The following CALN1 variants were observed in gnomAD, a reference collection of about 807,000 sequenced individuals.
The protein encoded by CALN1 is calcium-binding protein 8.
In CALN1, 17 loss-of-function variants were observed where a neutral mutation model predicts 30.6. That is an observed-to-expected ratio of 0.56 (90% CI 0.38 to 0.83). The LOEUF (loss-of-function observed/expected upper bound fraction) is 0.83. Ranked by LOEUF, CALN1 falls within the 40% of genes least tolerant of loss-of-function variation. The pLI is 0.00. For synonymous variants in CALN1, 156 were observed against 131.4 expected, an observed-to-expected ratio of 1.19 and a Z score of -1.28; for missense variants, 291 against 354.9, an observed-to-expected ratio of 0.82 and a Z score of 1.45.
chr7:71,938,654 G>C (rs922613216), intron 5 of CALN1, among the ~76,000 whole-genome samples: 1 of 152,070 alleles, frequency 6.6e-6, no homozygotes, highest in African/African-American at 2.4e-5. Context: ...AATTAGCTGG[G>C]CGTGGTGGCA....
At chr7:71,874,956 C>T (rs1441188268) in intron 5 of CALN1, among the ~76,000 whole-genome samples, 6 of 151,924 alleles carry the variant, frequency 3.9e-5, no homozygotes, top group Admixed American at 1.3e-4. Context: ...CTTGAGGTCA[C>T]GAGTTCAAGA....
chr7:72,463,814 G>T, the CALN1 span, among the ~76,000 whole-genome samples: 1 of 152,016 alleles, frequency 6.6e-6, no homozygotes, highest in African/African-American at 2.4e-5. Context: ...TCCCACCTCA[G>T]CCTCCCAAAG....
intron 5 of CALN1, among the ~76,000 whole-genome samples, chr7:71,860,199 T>TC (rs1448446057): frequency 6.6e-6 from 1 of 151,580 alleles, no homozygotes; most frequent in East Asian, 1.9e-4. Context: ...TTTTCATTTT[T>TC]TTTTTTTTTT....
intron 5 of CALN1, among the ~76,000 whole-genome samples, chr7:71,834,348 T>TAAAA (rs60091117): frequency 1.1e-5 from 1 of 89,818 alleles, no homozygotes. Flanking sequence ...CGATCCACCC[T>TAAAA]AAAAAAAAAA....
intron 2 of CALN1, among the ~76,000 whole-genome samples, chr7:72,287,372 G>A (rs1483711067): frequency 6.7e-6 from 1 of 150,046 alleles, no homozygotes; most frequent in Admixed American, 6.6e-5. Context: ...TTTGCAACCT[G>A]CATGGTTCAC....
rs1181289792 is a variant in CALN1 at position 71,787,694 on chromosome 7, C to G, written c.*81G>C. On this transcript the variant is annotated 3_prime_UTR_variant, in exon 7 of 7. Transcript: ENST00000395275. ...CCATCCATAGTCCATAGGTCCGTGT[C>G]TGCTGTGTGGAGGAAGAGTCTGCCC... 1 of 1,569,212 alleles carries G rather than the reference C, an allele frequency of 6.4e-7. No individual in the cohort carries two copies. Among genetic ancestry groups the G allele is most frequent in the Non-Finnish European group, 8.6e-7 (1 of 1,156,680 alleles).
chr7:72,292,820 C>CAAAAAAAAAAAAA (rs57352664), intron 2 of CALN1, among the ~76,000 whole-genome samples: 2 of 112,820 alleles, frequency 1.8e-5, no homozygotes, highest in African/African-American at 3.8e-5. Flanking sequence ...TACTCTGTCT[C>CAAAAAAAAAAAAA]AAAAAAAAAA....
intron 3 of CALN1, among the ~76,000 whole-genome samples, chr7:72,254,358 T>A (rs1243398837): frequency 1.3e-5 from 2 of 152,160 alleles, no homozygotes; most frequent in Non-Finnish European, 2.9e-5. Context: ...AACATGATTG[T>A]TTGAGTGTAC....
At chr7:72,282,903 T>C (rs555848704) in intron 2 of CALN1, among the ~76,000 whole-genome samples, 4 of 151,704 alleles carry the variant, frequency 2.6e-5, no homozygotes, top group Non-Finnish European at 4.4e-5. Context: ...AAAATACAAA[T>C]ATTAGCCAGG....
intron 3 of CALN1, among the ~76,000 whole-genome samples, chr7:72,255,029 G>A (rs562355071): frequency 6.6e-6 from 1 of 152,226 alleles, no homozygotes; most frequent in South Asian, 2.1e-4. Context: ...TTGACCTCAT[G>A]ATCCACCCAC....
intron 5 of CALN1, among the ~76,000 whole-genome samples, chr7:71,828,938 G>T (rs1331248281): frequency 6.6e-6 from 1 of 151,800 alleles, no homozygotes; most frequent in Non-Finnish European, 1.5e-5. Flanking sequence ...TAGTAGAGAC[G>T]GGGTTTCCCT....
At chr7:72,404,718 TCTC>T (rs1430656911) in intron 1 of CALN1, among the ~76,000 whole-genome samples, 2 of 152,150 alleles carry the variant, frequency 1.3e-5, no homozygotes, top group African/African-American at 2.4e-5. Context: ...TGGGAAGTGG[TCTC>T]CTATCAAAGT....
intron 4 of CALN1, among the ~76,000 whole-genome samples, chr7:72,044,365 CT>C (rs912176537): frequency 4.1e-5 from 6 of 147,118 alleles, no homozygotes; most frequent in African/African-American, 1.5e-4. Context: ...CACCTCACCC[CT>C]GTCTTCTTTT....
intron 5 of CALN1, among the ~76,000 whole-genome samples, chr7:71,929,483 T>C (rs1795438655): frequency 6.6e-6 from 1 of 152,236 alleles, no homozygotes; most frequent in African/African-American, 2.4e-5. Flanking sequence ...CTTTTTATGG[T>C]TGCATTGTAT....
intron 5 of CALN1, among the ~76,000 whole-genome samples, chr7:71,844,097 G>A (rs763321302): frequency 1.3e-5 from 2 of 152,170 alleles, no homozygotes; most frequent in Non-Finnish European, 2.9e-5. Context: ...AGCACACTGC[G>A]ATATGATTTT....
chr7:72,121,202 TAATTCCATATTATGTATTATATAA>T (rs1355447892), intron 3 of CALN1, among the ~76,000 whole-genome samples: 1 of 144,342 alleles, frequency 6.9e-6, no homozygotes, highest in Non-Finnish European at 1.5e-5. Flanking sequence ...ATATTATATA[TAATTCCATATTATGTATTATATAA>T]CTATATAATT....
intron 5 of CALN1, among the ~76,000 whole-genome samples, chr7:71,928,464 AG>A (rs1276767914): frequency 6.6e-6 from 1 of 151,258 alleles, no homozygotes; most frequent in Non-Finnish European, 1.5e-5. Flanking sequence ...AAAAAAAAAA[AG>A]GTCTGTCCGT....
intron 3 of CALN1, among the ~76,000 whole-genome samples, chr7:72,222,428 A>T (rs1793374167): frequency 6.6e-6 from 1 of 152,062 alleles, no homozygotes; most frequent in Non-Finnish European, 1.5e-5. Flanking sequence ...GAGGGGAGAT[A>T]CCACACACTT....
intron 3 of CALN1, among the ~76,000 whole-genome samples, chr7:72,190,211 C>A (rs973974739): frequency 6.6e-6 from 1 of 152,130 alleles, no homozygotes. Flanking sequence ...TACAAATTAG[C>A]TGGGCACGGT....
Sources: gnomAD v4.1 joint callset for allele counts (sites outside exome capture counted in the v4.1 genomes callset) on GRCh38, gnomAD v4.1.1 for gene constraint, MANE v1.5 for transcripts, NCBI Gene and HGNC (gene_info 2026-07-23, HGNC 2026-07-21) for gene names.